TMEM132C: variants seen among roughly 807,000 people sequenced by gnomAD.
TMEM132C encodes the protein protein phosphatase 1, regulatory subunit 152.
Under a neutral mutation model 61.4 loss-of-function variants are expected in TMEM132C, and 29 were observed. The ratio of observed to expected loss-of-function variants is 0.47; its 90% CI spans 0.35 to 0.64. The LOEUF (loss-of-function observed/expected upper bound fraction) is 0.64. TMEM132C is among the 30% of genes least tolerant of loss of function. The pLI is 0.00. For synonymous variants in TMEM132C, 656 were observed against 633.1 expected, an observed-to-expected ratio of 1.04 and a Z score of -0.54; for missense variants, 1,408 against 1,476.9, an observed-to-expected ratio of 0.95 and a Z score of 0.76.
chr12:128,285,679 ATCTC>A (rs1209717292), intron 1 of TMEM132C, among the ~76,000 whole-genome samples: 1 of 33,240 alleles, frequency 3.0e-5, no homozygotes, highest in Non-Finnish European at 6.3e-5. Flanking sequence ...CCTCGCCCCC[ATCTC>A]TCTCTCCCCA....
chr12:128,585,991 T>A (rs1371270630), intron 3 of TMEM132C, among the ~76,000 whole-genome samples: 3 of 152,150 alleles, frequency 2.0e-5, no homozygotes, highest in Non-Finnish European at 4.4e-5. Context: ...CACAACAACA[T>A]GAATGTGCTT....
intron 2 of TMEM132C, among the ~76,000 whole-genome samples, chr12:128,461,257 A>G (rs75356989): frequency 0.1 from 15,858 of 152,184 alleles, 1,063 homozygotes; most frequent in African/African-American, 0.18. Flanking sequence ...AGGAGTCCAG[A>G]CAAGGGACAT....
At chr12:128,304,835 C>G (rs534649041) in intron 1 of TMEM132C, among the ~76,000 whole-genome samples, 51 of 152,210 alleles carry the variant, frequency 3.4e-4, no homozygotes, top group Admixed American at 5.2e-4. Context: ...CTGGCCACTT[C>G]AGTTAGGAAA....
chr12:128,694,091 C>A, intron 6 of TMEM132C, 57 bp downstream of exon 6: 1 of 1,513,746 alleles, frequency 6.6e-7, no homozygotes, highest in Non-Finnish European at 9.0e-7. Flanking sequence ...ATTTACTGAC[C>A]TTAACACTAA....
Position 128,617,616 on chromosome 12 carries a change from G to A in TMEM132C, c.1305+1281G>A, listed in dbSNP as rs1593121972. 2.0e-5 allele frequency among the ~76,000 whole-genome samples: 3 copies of A among 151,994 alleles called. No individual in the cohort carries two copies. In the East Asian group the frequency reaches 5.8e-4, roughly 29 times the overall value. ...AGTGGGGCAGATGCAGAGTCAGGTG[G>A]GACAGGTGTGGAATCAGGTGGGGCA... On this transcript the variant is annotated intron_variant, in intron 4 of 8. Coordinates refer to ENST00000435159, the MANE Select transcript of TMEM132C (RefSeq NM_001136103.3).
chr12:128,421,922 T>C (rs1270003486), intron 2 of TMEM132C, among the ~76,000 whole-genome samples: 2 of 151,552 alleles, frequency 1.3e-5, no homozygotes, highest in Non-Finnish European at 2.9e-5. Context: ...GGTGTATGAC[T>C]TGGCAAAAAA....
At position 128,521,631 on chromosome 12, in the gene TMEM132C, C is replaced by T. The variant is rs187546137; in HGVS notation, c.975-22326C>T. ...GCTAAATGTTAGAGACAAATCCATCCTTGATTTGGTTAGAAAACTAGCAAT... is the reference window on the plus strand; with the variant it reads ...GCTAAATGTTAGAGACAAATCCATCTTTGATTTGGTTAGAAAACTAGCAAT... On this transcript the variant is annotated intron_variant, in intron 2 of 8. Coordinates refer to ENST00000435159, the MANE Select transcript of TMEM132C (RefSeq NM_001136103.3). Among the ~76,000 whole-genome samples the T allele has an allele frequency of 2.2e-3, 332 of 152,116 alleles. 3 individuals carry two copies. Among genetic ancestry groups the T allele is most frequent in the African/African-American group, 7.4e-3 (309 of 41,504 alleles).
chr12:128,557,169 C>G (rs773757472), intron 3 of TMEM132C, among the ~76,000 whole-genome samples: 2 of 152,136 alleles, frequency 1.3e-5, no homozygotes, highest in African/African-American at 2.4e-5. Flanking sequence ...TCATCTTACA[C>G]CAAGGGACCC....
At chr12:128,592,508 G>T (rs900272605) in intron 3 of TMEM132C, among the ~76,000 whole-genome samples, 1 of 152,238 alleles carries the variant, frequency 6.6e-6, no homozygotes, top group Non-Finnish European at 1.5e-5. Flanking sequence ...ATCCTCCAAA[G>T]CTGACTTGGG....
At chr12:128,285,806 T>C in intron 1 of TMEM132C, among the ~76,000 whole-genome samples, 1 of 97,274 alleles carries the variant, frequency 1.0e-5, no homozygotes, top group Non-Finnish European at 1.9e-5. Flanking sequence ...TCTATCCCTC[T>C]CTCCCTTTCT....
intron 5 of TMEM132C, among the ~76,000 whole-genome samples, chr12:128,693,184 G>A (rs1954732482): frequency 6.6e-6 from 1 of 152,158 alleles, no homozygotes; most frequent in Admixed American, 6.5e-5. Flanking sequence ...TGTGCATGCA[G>A]GGGAGAGACC....
intron 4 of TMEM132C, among the ~76,000 whole-genome samples, chr12:128,663,955 C>CAT (rs1555241289): frequency 1.1e-5 from 1 of 93,722 alleles, no homozygotes; most frequent in Non-Finnish European, 2.2e-5. Context: ...CAGGCACACA[C>CAT]ACATACAGGC....
chr12:128,614,298 C>G (rs764827805), intron 3 of TMEM132C, among the ~76,000 whole-genome samples: 11 of 152,164 alleles, frequency 7.2e-5, no homozygotes, highest in Non-Finnish European at 1.5e-4. Flanking sequence ...GATGCAATTA[C>G]TCAACCATGT....
At chr12:128,365,683 C>T (rs1176054069) in intron 1 of TMEM132C, among the ~76,000 whole-genome samples, 2 of 152,308 alleles carry the variant, frequency 1.3e-5, no homozygotes, top group Non-Finnish European at 2.9e-5. Flanking sequence ...TTCCATTGAG[C>T]TCTCAAACCA....
At chr12:128,441,686 G>A (rs1243072707) in intron 2 of TMEM132C, among the ~76,000 whole-genome samples, 1 of 152,168 alleles carries the variant, frequency 6.6e-6, no homozygotes, top group Non-Finnish European at 1.5e-5. Context: ...GGTGTTGGAG[G>A]CTCAACCTGA....
At chr12:128,592,554 T>C (rs1433142678) in intron 3 of TMEM132C, among the ~76,000 whole-genome samples, 2 of 152,168 alleles carry the variant, frequency 1.3e-5, no homozygotes, top group Non-Finnish European at 2.9e-5. Flanking sequence ...AGATTTCCAC[T>C]CCAGATAAAG....
intron 1 of TMEM132C, among the ~76,000 whole-genome samples, chr12:128,336,203 T>C (rs1292604947): frequency 1.3e-5 from 2 of 151,828 alleles, no homozygotes; most frequent in East Asian, 3.8e-4. Context: ...AGAATTCTTC[T>C]TGAGTTTGTT....
chr12:128,383,700 G>A (rs922693240), intron 1 of TMEM132C, among the ~76,000 whole-genome samples: 14 of 152,142 alleles, frequency 9.2e-5, no homozygotes, highest in Non-Finnish European at 1.8e-4. Context: ...GAGCTTGCTT[G>A]AATGAGTTTT....
At chr12:128,358,583 G>A (rs1444258036) in intron 1 of TMEM132C, among the ~76,000 whole-genome samples, 9 of 151,436 alleles carry the variant, frequency 5.9e-5, no homozygotes, top group African/African-American at 1.9e-4. Context: ...GATAGTTTTA[G>A]GAGCTAAGTG....
Sources: allele counts gnomAD v4.1 joint callset (sites outside exome capture counted in the v4.1 genomes callset), GRCh38; gene constraint gnomAD v4.1.1; transcripts MANE v1.5; gene names NCBI Gene and HGNC (gene_info 2026-07-23, HGNC 2026-07-21).